Variants in GRM7 observed in about 807,000 individuals in gnomAD.
GRM7 encodes the protein metabotropic glutamate receptor 7.
A neutral mutation model predicts 84.5 loss-of-function variants in GRM7; 35 were observed. The ratio of observed to expected loss-of-function variants is 0.41; its 90% CI spans 0.32 to 0.55. The LOEUF (loss-of-function observed/expected upper bound fraction) is 0.55, where lower values mean the gene tolerates loss of function less well. Among genes scored for constraint, GRM7 ranks in the 20% least tolerant of loss-of-function variants. GRM7 has a pLI of 0.19. For missense variants in GRM7, 1,003 were observed against 1,194.6 expected (o/e 0.84, Z 2.36); for synonymous variants, 487 against 455.1 (o/e 1.07, Z -0.89).
chr3:6,941,488 A>G (rs1043748568), intron 1 of GRM7, among the ~76,000 whole-genome samples: 1 of 152,226 alleles, frequency 6.6e-6, no homozygotes, highest in Admixed American at 6.5e-5. Context: ...AGAAAGGTTT[A>G]TGAAGAGAAA....
chr3:7,547,812 C>A (rs887847052), intron 7 of GRM7, among the ~76,000 whole-genome samples: 1 of 152,212 alleles, frequency 6.6e-6, no homozygotes, highest in African/African-American at 2.4e-5. Flanking sequence ...AGAATAAATT[C>A]TCCCCTAATC....
At chr3:7,403,156 C>G in intron 4 of GRM7, 1 of 446,590 alleles carries the variant, frequency 2.2e-6, no homozygotes, top group Non-Finnish European at 4.5e-6. Flanking sequence ...GTCTGGCTTT[C>G]TTTCTGTCAT....
intron 9 of GRM7, among the ~76,000 whole-genome samples, chr3:7,683,326 A>C (rs1194121240): frequency 6.6e-6 from 1 of 152,176 alleles, no homozygotes; most frequent in African/African-American, 2.4e-5. Flanking sequence ...CAAAAGTTTC[A>C]CTGGGTCTTT....
chr3:7,013,145 A>AAC (rs35012621), intron 1 of GRM7, among the ~76,000 whole-genome samples: 2,356 of 150,350 alleles, frequency 0.016, 56 homozygotes, highest in African/African-American at 0.046. Context: ...AAAAAAAAAA[A>AAC]GTTCAGAAAC....
At chr3:7,301,533 T>G (rs763923415) in intron 3 of GRM7, among the ~76,000 whole-genome samples, 1 of 152,172 alleles carries the variant, frequency 6.6e-6, no homozygotes, top group Non-Finnish European at 1.5e-5. Flanking sequence ...ACATAAAAGA[T>G]GTATGGCAAT....
chr3:6,916,263 G>A (rs1304501442), intron 1 of GRM7, among the ~76,000 whole-genome samples: 2 of 152,210 alleles, frequency 1.3e-5, no homozygotes, highest in African/African-American at 2.4e-5. Flanking sequence ...AGGAAGGACC[G>A]ATTCAGACAT....
chr3:7,399,783 T>A (rs1427686056), intron 4 of GRM7, among the ~76,000 whole-genome samples: 1 of 152,150 alleles, frequency 6.6e-6, no homozygotes, highest in Non-Finnish European at 1.5e-5. Context: ...ACTTGTAATC[T>A]CTGCATACCA....
rs558770529 is a variant in GRM7 at position 7,429,865 on chromosome 3, GA to G, written c.1174+14705del. 1.7e-3 allele frequency among the ~76,000 whole-genome samples: 263 copies of G among 152,218 alleles called. 1 individual carries two copies. Among genetic ancestry groups the G allele is most frequent in the Middle Eastern group, 6.8e-3 (2 of 294 alleles). ...CTTGTAAAAAGTTTAAACCCTTAGG[GA>G]AATACGATTTAAACATCTTATAAGC... On this transcript the variant is annotated intron_variant, in intron 5 of 9. Coordinates refer to ENST00000357716, the MANE Select transcript of GRM7 (RefSeq NM_000844.4).
intron 2 of GRM7, among the ~76,000 whole-genome samples, chr3:7,167,862 G>A (rs898872496): frequency 8.6e-5 from 13 of 151,474 alleles, no homozygotes; most frequent in Admixed American, 4.6e-4. Context: ...CCTGCTACTC[G>A]GGAGGCTGAA....
intron 7 of GRM7, among the ~76,000 whole-genome samples, chr3:7,532,458 G>T (rs1001711718): frequency 2.0e-5 from 3 of 152,222 alleles, no homozygotes; most frequent in Middle Eastern, 3.4e-3. Flanking sequence ...TGGGGGATCA[G>T]TGGTGATACC....
chr3:7,169,416 A>T (rs896685213), intron 2 of GRM7, among the ~76,000 whole-genome samples: 1 of 152,150 alleles, frequency 6.6e-6, no homozygotes, highest in Non-Finnish European at 1.5e-5. Context: ...TGACACTCTA[A>T]TCTTCAATTC....
chr3:7,112,117 G>A (rs990016552), intron 1 of GRM7, among the ~76,000 whole-genome samples: 1 of 152,150 alleles, frequency 6.6e-6, no homozygotes, highest in African/African-American at 2.4e-5. Context: ...AGAAAGCAGG[G>A]GTTATGCAGT....
intron 4 of GRM7, among the ~76,000 whole-genome samples, chr3:7,402,553 A>T (rs1020522659): frequency 6.6e-6 from 1 of 152,180 alleles, no homozygotes; most frequent in African/African-American, 2.4e-5. Context: ...TTAATATGCC[A>T]GAAAGACATG....
At chr3:7,180,452 T>C (rs1028554741) in intron 2 of GRM7, among the ~76,000 whole-genome samples, 24 of 152,004 alleles carry the variant, frequency 1.6e-4, no homozygotes, top group African/African-American at 5.8e-4. Flanking sequence ...TGCTTAAGAG[T>C]ACAGACTAGG....
At chr3:7,125,198 C>G (rs2125047578) in intron 1 of GRM7, among the ~76,000 whole-genome samples, 1 of 152,244 alleles carries the variant, frequency 6.6e-6, no homozygotes, top group East Asian at 1.9e-4. Context: ...TCTTGGCCTC[C>G]TAAGTGCTGG....
intron 1 of GRM7, among the ~76,000 whole-genome samples, chr3:7,074,554 C>G (rs1374816735): frequency 7.0e-6 from 1 of 141,938 alleles, no homozygotes; most frequent in Non-Finnish European, 1.5e-5. Flanking sequence ...ATTCTTACAG[C>G]AATTTGATAG....
chr3:7,723,345 C>T (rs994736200), intron 9 of GRM7, among the ~76,000 whole-genome samples: 1 of 152,162 alleles, frequency 6.6e-6, no homozygotes, highest in Admixed American at 6.5e-5. Context: ...TCAACACCTT[C>T]CAGCTAAGTG....
At chr3:7,115,322 A>G (rs1178833211) in intron 1 of GRM7, among the ~76,000 whole-genome samples, 1 of 152,132 alleles carries the variant, frequency 6.6e-6, no homozygotes, top group Admixed American at 6.6e-5. Context: ...TTTGCTAGTG[A>G]TAACAGACTT....
chr3:6,921,834 C>A (rs79551634), intron 1 of GRM7, among the ~76,000 whole-genome samples: 14,718 of 152,120 alleles, frequency 0.097, 829 homozygotes, highest in Non-Finnish European at 0.14. Context: ...TCCTCTCCCC[C>A]CAAATCACAG....
Sources: gnomAD v4.1 joint callset for allele counts (sites outside exome capture counted in the v4.1 genomes callset) on GRCh38, gnomAD v4.1.1 for gene constraint, MANE v1.5 for transcripts, NCBI Gene and HGNC (gene_info 2026-07-23, HGNC 2026-07-21) for gene names.